RAB3GAP2: variants seen among roughly 807,000 people sequenced by gnomAD.
RAB3GAP2 encodes the protein RAB3 GTPase activating non-catalytic protein subunit 2, also known as rab3 GTPase-activating protein non-catalytic subunit.
Under a neutral mutation model 185.3 loss-of-function variants are expected in RAB3GAP2, and 87 were observed. That is an observed-to-expected ratio of 0.47 (90% CI 0.39 to 0.56). The LOEUF (loss-of-function observed/expected upper bound fraction) is 0.56. Among genes scored for constraint, RAB3GAP2 ranks in the 20% least tolerant of loss-of-function variants. RAB3GAP2 has a pLI of 0.00. For missense variants in RAB3GAP2, 1,492 were observed against 1,638.2 expected (o/e 0.91, Z 1.54); for synonymous variants, 554 against 576.1 (o/e 0.96, Z 0.55).
In RAB3GAP2 at chr1:220,231,575, G is replaced by T. The variant is rs1041649534; in HGVS notation, c.180+1224C>A. Among the ~76,000 whole-genome samples the T allele has an allele frequency of 1.0e-3, 155 of 152,164 alleles. 2 individuals are homozygous for T. Among genetic ancestry groups the T allele is most frequent in the African/African-American group, 3.6e-3 (149 of 41,510 alleles). On this transcript the variant is annotated intron_variant, in intron 2 of 34. Coordinates refer to ENST00000358951, the MANE Select transcript of RAB3GAP2 (RefSeq NM_012414.4). ...TTCAGGTATCAACTCCTTCCGTGTG[G>T]CCATGGGCCTCAGGAGAAGCTGACC... is the stretch of plus-strand genomic sequence containing the variant.
chr1:220,183,388 A>G (rs1658448825), intron 19 of RAB3GAP2, among the ~76,000 whole-genome samples: 1 of 151,944 alleles, frequency 6.6e-6, no homozygotes, highest in Admixed American at 6.6e-5. Context: ...AGCCGGGACC[A>G]CAAGTGTGCA....
chr1:220,247,728 C>T (rs1659846286), intron 1 of RAB3GAP2, among the ~76,000 whole-genome samples: 1 of 152,122 alleles, frequency 6.6e-6, no homozygotes, highest in Non-Finnish European at 1.5e-5. Flanking sequence ...AAAAAATTCA[C>T]CTGTACCCCC....
chr1:220,225,405 A>C (rs1235204245), intron 2 of RAB3GAP2, among the ~76,000 whole-genome samples: 1 of 152,202 alleles, frequency 6.6e-6, no homozygotes, highest in African/African-American at 2.4e-5. Context: ...ATTAAGAGCC[A>C]TGGGCTAAAT....
At chr1:220,220,022 C>G (rs1659275506) in intron 2 of RAB3GAP2, among the ~76,000 whole-genome samples, 2 of 152,240 alleles carry the variant, frequency 1.3e-5, no homozygotes, top group South Asian at 4.1e-4. Context: ...GTCTCTAACA[C>G]TGCCCCTTTG....
At chr1:220,197,962 C>A (rs1658761661) in intron 9 of RAB3GAP2, among the ~76,000 whole-genome samples, 1 of 152,000 alleles carries the variant, frequency 6.6e-6, no homozygotes, top group Non-Finnish European at 1.5e-5. Context: ...CTTAGACCAC[C>A]ACCTCCTAGC....
intron 32 of RAB3GAP2, chr1:220,153,766 G>A (rs1360758538): frequency 4.9e-5 from 18 of 366,114 alleles, no homozygotes; most frequent in Middle Eastern, 9.6e-4. Context: ...CCCACCCCAC[G>A]ACAGGCCCTG....
intron 31 of RAB3GAP2, among the ~76,000 whole-genome samples, chr1:220,155,127 T>A (rs1359389825): frequency 6.6e-6 from 1 of 152,176 alleles, no homozygotes; most frequent in Non-Finnish European, 1.5e-5. Flanking sequence ...GGAAACAGGA[T>A]TTTAGAAGTT....
At chr1:220,213,023 G>A in intron 3 of RAB3GAP2, 55 bp from the exon 4 acceptor site, 2 of 1,325,014 alleles carry the variant, frequency 1.5e-6, no homozygotes, top group Non-Finnish European at 2.1e-6. Context: ...CACTAAAAGA[G>A]TAATTTATAA....
chr1:220,181,544 T>C (rs917597949), intron 21 of RAB3GAP2, among the ~76,000 whole-genome samples: 1 of 152,176 alleles, frequency 6.6e-6, no homozygotes, highest in Non-Finnish European at 1.5e-5. Flanking sequence ...ATATTAGAGA[T>C]TACATTATAA....
At chr1:220,210,062 A>C (rs949393859) in intron 7 of RAB3GAP2, among the ~76,000 whole-genome samples, 1 of 152,234 alleles carries the variant, frequency 6.6e-6, no homozygotes, top group Non-Finnish European at 1.5e-5. Context: ...ACCTAAATCC[A>C]AATAAAACAA....
chr1:220,171,872 T>G lies in RAB3GAP2; in HGVS notation c.2577+17A>C. The G allele has an allele frequency of 6.2e-7, 1 of 1,614,004 alleles. No individual in the cohort carries two copies. The highest frequency in any genetic ancestry group is 8.5e-7 in the Non-Finnish European group (1 of 1,179,962). On this transcript the variant is annotated intron_variant, in intron 23 of 34. Transcript: ENST00000358951. ...ACTGGATGTGTACAGATCAAAGCCA[T>G]ACCTTTACCCACTTACTTTTTTCTC...
At chr1:220,193,042 G>A (rs917314510) in intron 13 of RAB3GAP2, among the ~76,000 whole-genome samples, 198 bp downstream of exon 13, 1 of 152,174 alleles carries the variant, frequency 6.6e-6, no homozygotes, top group African/African-American at 2.4e-5. Flanking sequence ...ACATGGCTAT[G>A]AGGTGATCAA....
rs1444346002 is a variant in RAB3GAP2, at chr1:220,241,860, ATTAT to A, written c.116-9001_116-8998del. 2.0e-5 allele frequency among the ~76,000 whole-genome samples: 3 copies of A among 152,086 alleles called. No individual in the cohort carries two copies. In the South Asian group the frequency reaches 6.2e-4, roughly 32 times the overall value. On this transcript the variant is annotated intron_variant, in intron 1 of 34. Transcript: ENST00000358951. ...TTTTTTAACAACTTCATATTTATAT[ATTAT>A]TTATTTTTTATATCCAAAACAACAG...
intron 1 of RAB3GAP2, among the ~76,000 whole-genome samples, chr1:220,243,370 AC>A (rs1659735777): frequency 2.7e-5 from 4 of 148,042 alleles, no homozygotes; most frequent in South Asian, 4.3e-4. Context: ...AAAAAAAAAA[AC>A]ATAATAATAA....
chr1:220,215,143 T>C (rs1299917536), intron 2 of RAB3GAP2, among the ~76,000 whole-genome samples: 1 of 151,976 alleles, frequency 6.6e-6, no homozygotes, highest in East Asian at 1.9e-4. Context: ...TTGCTTACCA[T>C]CTTTTGCTGT....
At chr1:220,209,403 T>C (rs1452446008) in intron 7 of RAB3GAP2, among the ~76,000 whole-genome samples, 1 of 152,182 alleles carries the variant, frequency 6.6e-6, no homozygotes, top group Non-Finnish European at 1.5e-5. Context: ...CTTTCCCCTC[T>C]TTTCTATTAC....
intron 2 of RAB3GAP2, among the ~76,000 whole-genome samples, chr1:220,223,579 G>C (rs1367377842): frequency 6.6e-6 from 1 of 151,930 alleles, no homozygotes; most frequent in Non-Finnish European, 1.5e-5. Flanking sequence ...AACATACTAG[G>C]AGTCAACAAT....
Position 220,265,756 on chromosome 1 carries a change from C to G in RAB3GAP2, c.115+6467G>C, listed in dbSNP as rs1404258319. The stretch of plus-strand genomic sequence containing the variant: ...CTTGGGCAACACAGCAAGACCCTAT[C>G]TCAACAAAAACCAAAAAAATTATCT... On this transcript the variant is annotated intron_variant, in intron 1 of 34. Transcript: ENST00000358951. Among the ~76,000 whole-genome samples the G allele has an allele frequency of 2.0e-5, 3 of 152,000 alleles. 1 individual carries two copies.
chr1:220,222,942 T>C (rs1445614152), intron 2 of RAB3GAP2, among the ~76,000 whole-genome samples: 1 of 152,242 alleles, frequency 6.6e-6, no homozygotes, highest in Non-Finnish European at 1.5e-5. Flanking sequence ...GTCAAATGTA[T>C]TTTATTACTC....
Sources: allele counts gnomAD v4.1 joint callset (sites outside exome capture counted in the v4.1 genomes callset), GRCh38; gene constraint gnomAD v4.1.1; transcripts MANE v1.5; gene names NCBI Gene and HGNC (gene_info 2026-07-23, HGNC 2026-07-21).